The following CARMIL1 variants were observed in gnomAD, a reference collection of about 807,000 sequenced individuals.
The protein encoded by CARMIL1 is F-actin-uncapping protein LRRC16A.
A neutral mutation model predicts 177.1 loss-of-function variants in CARMIL1; 90 were observed. The observed-to-expected ratio is 0.51, with a 90% confidence interval of 0.43 to 0.61. The LOEUF (loss-of-function observed/expected upper bound fraction) is 0.61. Among genes scored for constraint, CARMIL1 ranks in the 20% least tolerant of loss-of-function variants. CARMIL1 has a pLI of 0.00. For missense variants in CARMIL1, 1,380 were observed against 1,667.0 expected, an observed-to-expected ratio of 0.83 and a Z score of 3.00; for synonymous variants, 577 against 606.2, an observed-to-expected ratio of 0.95 and a Z score of 0.71.
At chr6:25,384,868 A>G (rs1389835752) in intron 2 of CARMIL1, among the ~76,000 whole-genome samples, 2 of 152,236 alleles carry the variant, frequency 1.3e-5, no homozygotes, top group Non-Finnish European at 2.9e-5. Context: ...CAAGCCTAAC[A>G]TCATCATCCT....
intron 2 of CARMIL1, among the ~76,000 whole-genome samples, chr6:25,333,601 G>A (rs1785917079): frequency 6.6e-6 from 1 of 152,148 alleles, no homozygotes. Flanking sequence ...TCTTTAAGAG[G>A]AGGATTAGTA....
At chr6:25,300,422 T>A (rs890029019) in intron 2 of CARMIL1, among the ~76,000 whole-genome samples, 1 of 152,196 alleles carries the variant, frequency 6.6e-6, no homozygotes, top group Admixed American at 6.5e-5. Flanking sequence ...ATCCCAGCAG[T>A]TTGGAAGGCC....
At chr6:25,284,966 G>A in intron 2 of CARMIL1, 57 bp downstream of exon 2, 1 of 1,056,460 alleles carries the variant, frequency 9.5e-7, no homozygotes, top group East Asian at 2.6e-5. Flanking sequence ...TGTTTTCATT[G>A]TTTAGATTGC....
At position 25,524,114 on chromosome 6, in the gene CARMIL1, A is replaced by G. The variant is rs528182339; in HGVS notation, c.1968+3777A>G. ...CAAAGATCTACCAGCCAGAGAAACT[A>G]CTTTAGTAGGACCTTACCTGAACAG... is the stretch of plus-strand genomic sequence containing the variant. On this transcript the variant is annotated intron_variant, in intron 23 of 36. Transcript: ENST00000329474. Among the ~76,000 whole-genome samples, 9 of 152,304 alleles carry G rather than the reference A, an allele frequency of 5.9e-5. No homozygotes were observed. The South Asian group carries it at 1.9e-3, about 32-fold the overall frequency.
chr6:25,390,711 C>T (rs35361710), intron 2 of CARMIL1, among the ~76,000 whole-genome samples: 22,593 of 151,852 alleles, frequency 0.15, 2,057 homozygotes, highest in East Asian at 0.22. Flanking sequence ...ATTTTTTTTG[C>T]GACAGTCTCG....
In CARMIL1 at chr6:25,449,995, G is replaced by A; in HGVS notation, c.469G>A (p.Gly157Ser). ...GACCGTGGCTGAGCAGGGCCCCTGT[G>A]GTGAGCATGCATTTTAAAACTGAAA... ...SQTVAEQGPC[G>S]GFSQMYACVC... The change falls in exon 6 of 37, where the codon GGT becomes AGT. Residue 157 changes from glycine to serine, a missense_variant and splice_region_variant. Transcript: ENST00000329474. The A allele has an allele frequency of 6.3e-7, 1 of 1,596,774 alleles. No individual in the cohort carries two copies. The highest frequency in any genetic ancestry group is 1.1e-5 in the South Asian group (1 of 88,866).
intron 23 of CARMIL1, among the ~76,000 whole-genome samples, chr6:25,521,769 C>CA (rs34016230): frequency 0.31 from 29,065 of 93,720 alleles, 4,234 homozygotes; most frequent in African/African-American, 0.48. Context: ...GATTCCATCT[C>CA]AAAAAAAAAA....
chr6:25,377,467 T>C (rs977164615), intron 2 of CARMIL1, among the ~76,000 whole-genome samples: 1 of 152,154 alleles, frequency 6.6e-6, no homozygotes, highest in Non-Finnish European at 1.5e-5. Flanking sequence ...ATGCAACTCT[T>C]ATCTGGGTCT....
At position 25,492,672 on chromosome 6, in the gene CARMIL1, A is replaced by T. The variant is rs186100081; in HGVS notation, c.1220+648A>T. Among the ~76,000 whole-genome samples the T allele has an allele frequency of 6.6e-5, 10 of 152,326 alleles. No individual in the cohort carries two copies. The East Asian group carries it at 1.9e-3, about 29-fold the overall frequency. On this transcript the variant is annotated intron_variant, in intron 15 of 36. Coordinates refer to ENST00000329474, the MANE Select transcript of CARMIL1 (RefSeq NM_017640.6). The stretch of plus-strand genomic sequence containing the variant: ...TTATAATTATGACCATAAATTATAA[A>T]TAATATTTTAGTTATATGATTTTAA...
chr6:25,529,223 A>T (rs1807472654), intron 24 of CARMIL1, among the ~76,000 whole-genome samples: 1 of 152,146 alleles, frequency 6.6e-6, no homozygotes, highest in East Asian at 1.9e-4. Flanking sequence ...CTTTCTCTTT[A>T]TTCCTTCACA....
At chr6:25,332,742 T>TACACACACACAC (rs35133749) in intron 2 of CARMIL1, among the ~76,000 whole-genome samples, 15,546 of 139,934 alleles carry the variant, frequency 0.11, 989 homozygotes, top group Middle Eastern at 0.13. Flanking sequence ...CAAACATGCA[T>TACACACACACAC]ACACACACAC....
chr6:25,572,272 T>A (rs1812139287), intron 29 of CARMIL1, among the ~76,000 whole-genome samples: 1 of 152,154 alleles, frequency 6.6e-6, no homozygotes, highest in South Asian at 2.1e-4. Flanking sequence ...TGAATCTAAG[T>A]GAAGAGTATA....
At chr6:25,487,275 C>T (rs919765227) in intron 12 of CARMIL1, among the ~76,000 whole-genome samples, 6 of 152,124 alleles carry the variant, frequency 3.9e-5, no homozygotes, top group African/African-American at 1.4e-4. Flanking sequence ...TCTTGTAGTA[C>T]CTTCATCGGA....
At chr6:25,399,438 G>GT (rs1448667096) in intron 2 of CARMIL1, among the ~76,000 whole-genome samples, 5 of 152,174 alleles carry the variant, frequency 3.3e-5, no homozygotes, top group Non-Finnish European at 5.9e-5. Context: ...ATCGTGGATG[G>GT]TTTATGTTTG....
intron 1 of CARMIL1, among the ~76,000 whole-genome samples, chr6:25,280,347 T>G (rs1210643648): frequency 6.6e-6 from 1 of 152,090 alleles, no homozygotes; most frequent in Non-Finnish European, 1.5e-5. Flanking sequence ...ACACGCAGAC[T>G]TGGGGGAGTG....
At chr6:25,296,778 T>C in intron 2 of CARMIL1, among the ~76,000 whole-genome samples, 1 of 152,220 alleles carries the variant, frequency 6.6e-6, no homozygotes. Flanking sequence ...TCTTATCATC[T>C]GTCATAGGCA....
chr6:25,619,717 C>A lies in CARMIL1; in HGVS notation c.*134C>A. 1.4e-6 allele frequency: 1 copy of A among 718,744 alleles called. No individual in the cohort carries two copies. The highest frequency in any genetic ancestry group is 3.5e-5 in the South Asian group (1 of 28,858). The allele number at this position is 718,744 out of a possible 1,614,324, so 44.5% of individuals were successfully genotyped here. ...CTCTTCTTTTTCTTTATTTCGCCCC[C>A]ACCCCCATCCCCTGCCTTTTTTTTT... On this transcript the variant is annotated 3_prime_UTR_variant, in exon 37 of 37. Coordinates refer to ENST00000329474, the MANE Select transcript of CARMIL1 (RefSeq NM_017640.6).
At chr6:25,349,589 T>G (rs1787896746) in intron 2 of CARMIL1, among the ~76,000 whole-genome samples, 1 of 152,194 alleles carries the variant, frequency 6.6e-6, no homozygotes, top group South Asian at 2.1e-4. Flanking sequence ...GTGGCTTCTC[T>G]TTAAAAGATT....
intron 30 of CARMIL1, 66 bp downstream of exon 30, chr6:25,581,056 C>T: frequency 6.7e-7 from 1 of 1,487,052 alleles, no homozygotes; most frequent in Non-Finnish European, 9.2e-7. Context: ...AGACCTTAGA[C>T]CATTTTAGGG....
Sources: gnomAD v4.1 joint callset for allele counts (sites outside exome capture counted in the v4.1 genomes callset) on GRCh38, gnomAD v4.1.1 for gene constraint, MANE v1.5 for transcripts, NCBI Gene and HGNC (gene_info 2026-07-23, HGNC 2026-07-21) for gene names.